ENOX1: variants seen among roughly 807,000 people sequenced by gnomAD.
ENOX1 encodes ecto-NOX disulfide-thiol exchanger 1.
In ENOX1, 42 loss-of-function variants were observed where a neutral mutation model predicts 82.5. That is an observed-to-expected ratio of 0.51 (90% CI 0.40 to 0.66). ENOX1 has a LOEUF of 0.66. Ranked by LOEUF, ENOX1 falls within the 30% of genes least tolerant of loss-of-function variation. The pLI, the probability that ENOX1 is intolerant of heterozygous loss-of-function variation, is 0.00. For synonymous variants in ENOX1, 271 were observed against 282.2 expected (o/e 0.96, Z 0.40); for missense variants, 608 against 811.6 (o/e 0.75, Z 3.05).
At chr13:43,720,550 C>T (rs955852468) in intron 1 of ENOX1, among the ~76,000 whole-genome samples, 5 of 152,176 alleles carry the variant, frequency 3.3e-5, no homozygotes, top group Admixed American at 2.0e-4. Context: ...GGGCATGTGA[C>T]TTGTGCAGCC....
chr13:43,579,070 T>A (rs188945837), intron 2 of ENOX1, among the ~76,000 whole-genome samples: 81 of 152,156 alleles, frequency 5.3e-4, no homozygotes, highest in South Asian at 2.1e-3. Context: ...CTTAGTCTCA[T>A]CATTAAAATC....
At chr13:43,775,264 C>A (rs1177663302) in intron 1 of ENOX1, among the ~76,000 whole-genome samples, 1 of 152,162 alleles carries the variant, frequency 6.6e-6, no homozygotes, top group Non-Finnish European at 1.5e-5. Flanking sequence ...AATCCTCCCA[C>A]CTCAGCCTCC....
intron 14 of ENOX1, among the ~76,000 whole-genome samples, chr13:43,250,126 A>G (rs1304720423): frequency 1.3e-5 from 2 of 152,236 alleles, no homozygotes; most frequent in Non-Finnish European, 2.9e-5. Context: ...AAATGGAGAT[A>G]ATAATAGTAA....
intron 1 of ENOX1, among the ~76,000 whole-genome samples, chr13:43,784,929 G>C (rs1344337749): frequency 6.6e-6 from 1 of 152,200 alleles, no homozygotes; most frequent in African/African-American, 2.4e-5. Context: ...AGAGAAATCA[G>C]TATCATTTAT....
intron 11 of ENOX1, among the ~76,000 whole-genome samples, chr13:43,312,340 G>A (rs12050017): frequency 0.34 from 51,072 of 151,978 alleles, 8,755 homozygotes; most frequent in South Asian, 0.52. Context: ...GAAACAGGGA[G>A]AGGCACTTCA....
chr13:43,341,540 G>A (rs1394645466), intron 9 of ENOX1, among the ~76,000 whole-genome samples: 1 of 152,150 alleles, frequency 6.6e-6, no homozygotes, highest in Non-Finnish European at 1.5e-5. Context: ...GTGAGTCTGA[G>A]GATAACTGAA....
chr13:43,436,152 A>C (rs1481398577), intron 3 of ENOX1, among the ~76,000 whole-genome samples: 1 of 152,200 alleles, frequency 6.6e-6, no homozygotes, highest in East Asian at 1.9e-4. Flanking sequence ...TTCTCTAAAA[A>C]GTTGCTTTGA....
rs373749128 is a variant in ENOX1 at position 43,771,899 on chromosome 13, G to C, written c.-285+14753C>G. Among the ~76,000 whole-genome samples the C allele has an allele frequency of 5.3e-5, 8 of 151,012 alleles. No individual in the cohort carries two copies. In the East Asian group the frequency reaches 7.8e-4, roughly 15 times the overall value. On this transcript the variant is annotated intron_variant, in intron 1 of 16. Transcript: ENST00000690772. ...CCTACCTCAGCCTCCCGAGTAGCTG[G>C]GAATACAGGCGCGTCTGCCACCACG...
At chr13:43,344,780 C>T in intron 8 of ENOX1, 30 bp from the exon 9 acceptor site, 5 of 1,597,562 alleles carry the variant, frequency 3.1e-6, no homozygotes, top group Non-Finnish European at 4.3e-6. Context: ...AAGTACAAAT[C>T]ATGCCAAGAT....
At chr13:43,379,258 T>C (rs1456716854) in intron 5 of ENOX1, among the ~76,000 whole-genome samples, 1 of 151,776 alleles carries the variant, frequency 6.6e-6, no homozygotes, top group Non-Finnish European at 1.5e-5. Context: ...ATAGCAATAG[T>C]AAAAAATGAA....
intron 9 of ENOX1, among the ~76,000 whole-genome samples, chr13:43,335,459 G>C (rs2048644457): frequency 6.6e-6 from 1 of 152,084 alleles, no homozygotes; most frequent in Non-Finnish European, 1.5e-5. Flanking sequence ...GTGTAGCTCA[G>C]AGACTGTTTC....
intron 3 of ENOX1, among the ~76,000 whole-genome samples, chr13:43,448,456 GT>G (rs750917666): frequency 6.6e-6 from 1 of 152,036 alleles, no homozygotes; most frequent in Non-Finnish European, 1.5e-5. Context: ...AGCATTTTTT[GT>G]TTGCATCTTT....
chr13:43,472,064 TGTAA>T (rs150472946), intron 3 of ENOX1, among the ~76,000 whole-genome samples: 2,848 of 151,994 alleles, frequency 0.019, 98 homozygotes, highest in African/African-American at 0.064. Context: ...ATCCCAGCTT[TGTAA>T]GTTACTAGCC....
chr13:43,715,318 A>T (rs2088039035), intron 1 of ENOX1, among the ~76,000 whole-genome samples: 1 of 151,816 alleles, frequency 6.6e-6, no homozygotes, highest in African/African-American at 2.4e-5. Context: ...GGGTAACCCG[A>T]CCTTTCTCTC....
At chr13:43,459,681 T>C (rs921332802) in intron 3 of ENOX1, among the ~76,000 whole-genome samples, 1 of 152,162 alleles carries the variant, frequency 6.6e-6, no homozygotes, top group Admixed American at 6.5e-5. Flanking sequence ...CAATAATCCT[T>C]TGTTTTCTCT....
At chr13:43,511,750 T>A (rs530502962) in intron 2 of ENOX1, among the ~76,000 whole-genome samples, 2 of 152,182 alleles carry the variant, frequency 1.3e-5, no homozygotes, top group African/African-American at 4.8e-5. Flanking sequence ...TTGGTCTGCA[T>A]CATTTCACCT....
chr13:43,416,106 A>G (rs1394751139), intron 3 of ENOX1, among the ~76,000 whole-genome samples: 4,773 of 31,188 alleles, frequency 0.15, 53 homozygotes, highest in African/African-American at 0.18. Context: ...ATGGGCAGAG[A>G]TGCTCCCCAC....
chr13:43,579,108 TC>T (rs965211111), intron 2 of ENOX1, among the ~76,000 whole-genome samples: 3 of 152,032 alleles, frequency 2.0e-5, no homozygotes, highest in Non-Finnish European at 4.4e-5. Context: ...ATTAGCTATG[TC>T]ATAGGGTTGC....
intron 2 of ENOX1, among the ~76,000 whole-genome samples, chr13:43,550,334 C>T (rs1397228306): frequency 6.6e-6 from 1 of 152,142 alleles, no homozygotes; most frequent in Non-Finnish European, 1.5e-5. Flanking sequence ...GGGTATCCTA[C>T]ACACAGTTGG....
Sources: gnomAD v4.1 joint callset for allele counts (sites outside exome capture counted in the v4.1 genomes callset) on GRCh38, gnomAD v4.1.1 for gene constraint, MANE v1.5 for transcripts, NCBI Gene and HGNC (gene_info 2026-07-23, HGNC 2026-07-21) for gene names.